Variants in MDM1 observed in about 807,000 individuals in gnomAD.
The protein encoded by MDM1 is stabilizer of axonemal microtubules 6.
MDM1 carries 61 observed loss-of-function variants against 89.1 expected under a neutral mutation model. The ratio of observed to expected loss-of-function variants is 0.68; its 90% CI spans 0.56 to 0.85. MDM1 has a LOEUF of 0.85. MDM1 is among the 40% of genes least tolerant of loss of function. The probability of loss-of-function intolerance (pLI) is 0.00; values close to 1 mark genes in which losing one functional copy is unlikely to be tolerated. For missense variants in MDM1, 820 were observed against 846.5 expected (o/e 0.97, Z 0.39); for synonymous variants, 290 against 294.1 (o/e 0.99, Z 0.14).
At chr12:68,302,250 C>CTA (rs1360067371) in intron 13 of MDM1, among the ~76,000 whole-genome samples, 1 of 152,144 alleles carries the variant, frequency 6.6e-6, no homozygotes, top group African/African-American at 2.4e-5. Flanking sequence ...GCAATGCCTA[C>CTA]TAACACTAAA....
intron 1 of MDM1, 42 bp downstream of exon 1, chr12:68,332,186 G>A: frequency 6.6e-7 from 1 of 1,511,894 alleles, no homozygotes; most frequent in South Asian, 1.3e-5. Context: ...CCCGGCCATG[G>A]CTCCCCCCAG....
At chr12:68,313,403 A>C in intron 12 of MDM1, 40 bp downstream of exon 12, 1 of 1,324,030 alleles carries the variant, frequency 7.6e-7, no homozygotes, top group South Asian at 1.2e-5. Flanking sequence ...TACAATAATT[A>C]GTCCTAGATG....
At chr12:68,330,842 C>T (rs781675392) in intron 2 of MDM1, 1 of 402,680 alleles carries the variant, frequency 2.5e-6, no homozygotes, top group Admixed American at 4.1e-5. Context: ...AACTTAACCG[C>T]TCAGTCAGTA....
At position 68,327,025 on chromosome 12, in the gene MDM1, CA is replaced by C. The variant is rs1337934788; in HGVS notation, c.134-5del. On this transcript the variant is annotated splice_region_variant and splice_polypyrimidine_tract_variant and intron_variant, in intron 2 of 14. Transcript: ENST00000682720. ...AAACTTGGCTCTTTCGTGATGCCTA[CA>C]AAACACGGTATACAAAAATAGTAGC... 2 of 1,576,134 alleles carry C rather than the reference CA, an allele frequency of 1.3e-6. No homozygotes were observed. The highest frequency in any genetic ancestry group is 1.7e-6 in the Non-Finnish European group (2 of 1,167,248).
rs35426557 is a variant in MDM1 at position 68,302,881 on chromosome 12, CAAAAAAAAA to C, written c.1750-18_1750-10del. On this transcript the variant is annotated splice_polypyrimidine_tract_variant and intron_variant, in intron 12 of 14. Transcript: ENST00000682720. ...ACAGCACGACTTTCTTTCTAAATGA[CAAAAAAAAA>C]AAAAAAAAAAAGATGCCTATGTGTA... is the stretch of plus-strand genomic sequence containing the variant. The C allele has an allele frequency of 1.8e-3, 2,003 of 1,105,760 alleles. 13 individuals carry two copies. In the Middle Eastern group the frequency reaches 0.026, roughly 14 times the overall value. The allele number at this position is 1,105,760 out of a possible 1,614,324, so 68.5% of individuals were successfully genotyped here.
rs147801311 is a variant in MDM1, at chr12:68,296,974, C to T, written c.2011G>A (p.Ala671Thr). The T allele has an allele frequency of 3.2e-4, 509 of 1,590,578 alleles. 3 individuals carry two copies. In the African/African-American group the frequency reaches 5.1e-3, roughly 16 times the overall value. Reference sequence around the variant, plus strand: ...GGTAACTGCAAATTGTTCATCCTTGCTTTTCCCACTTAAAAAAAAAAAGGC... The same window carrying T: ...GGTAACTGCAAATTGTTCATCCTTGTTTTTCCCACTTAAAAAAAAAAAGGC... ...DPEFQHNVGKARMNNLQLPQH... is the reference protein window; with the variant it reads ...DPEFQHNVGKTRMNNLQLPQH... The change falls in exon 14 of 15, where the codon GCA becomes ACA. Residue 671 changes from alanine to threonine, a missense_variant. Coordinates refer to ENST00000682720, the MANE Select transcript of MDM1 (RefSeq NM_001354969.2).
In MDM1 at chr12:68,295,336, C is replaced by A. The variant is rs139465924; in HGVS notation, c.2093G>T (p.Arg698Leu). The stretch of plus-strand genomic sequence containing the variant: ...AGCCCGGAGACTAGAAGCTGCAGAG[C>A]GAGCAGAAATCTCAGACAATCTGTC... ...DEDRLSEISA[R>L]SAASSLRAFQ... is the part of the protein sequence containing the mutation. Residue 698 changes from arginine (R) to leucine (L), a missense_variant, in exon 15 of 15, where the codon CGC becomes CTC. Physicochemically the swap from Arg to Leu is moderately radical, Grantham distance 102 (BLOSUM62 -2). Coordinates refer to ENST00000682720, the MANE Select transcript of MDM1 (RefSeq NM_001354969.2). 2.5e-6 allele frequency: 4 copies of A among 1,612,668 alleles called. No individual in the cohort carries two copies. Among genetic ancestry groups the A allele is most frequent in the African/African-American group, 1.3e-5 (1 of 74,864 alleles).
At chr12:68,311,005 T>C (rs1054734100) in intron 12 of MDM1, among the ~76,000 whole-genome samples, 1 of 152,176 alleles carries the variant, frequency 6.6e-6, no homozygotes, top group Non-Finnish European at 1.5e-5. Context: ...ACAAGTCTTT[T>C]ATTTTACCTA....
intron 12 of MDM1, among the ~76,000 whole-genome samples, chr12:68,304,875 G>A (rs557002820): frequency 4.7e-4 from 71 of 152,320 alleles, no homozygotes; most frequent in African/African-American, 1.6e-3. Flanking sequence ...TGATATTCCA[G>A]AGGTTTCCCA....
At position 68,294,626 on chromosome 12, in the gene MDM1, T is replaced by C. The variant is rs1276776756; in HGVS notation, c.*628A>G. ...AAGTTTTAATTCTCCATTATACAGG[T>C]AATTTTTCAAAATCTAGACATTATT... is the stretch of plus-strand genomic sequence containing the variant. On this transcript the variant is annotated 3_prime_UTR_variant, in exon 15 of 15. Coordinates refer to ENST00000682720, the MANE Select transcript of MDM1 (RefSeq NM_001354969.2). 1.3e-5 allele frequency: 2 copies of C among 152,240 alleles called. No homozygotes were observed. Among genetic ancestry groups the C allele is most frequent in the African/African-American group, 2.4e-5 (1 of 41,474 alleles). The allele number at this position is 152,240 out of a possible 1,614,324, so 9.4% of individuals were successfully genotyped here.
At chr12:68,303,939 T>C (rs547301377) in intron 12 of MDM1, among the ~76,000 whole-genome samples, 133 of 152,302 alleles carry the variant, frequency 8.7e-4, no homozygotes, top group African/African-American at 3.1e-3. Flanking sequence ...AATTTTACTT[T>C]TTAAAAGAAG....
chr12:68,297,933 C>G (rs1592937359), intron 13 of MDM1, among the ~76,000 whole-genome samples: 1 of 152,124 alleles, frequency 6.6e-6, no homozygotes, highest in Admixed American at 6.5e-5. Flanking sequence ...GCAGACCCAC[C>G]TAACCCAGCC....
At chr12:68,305,577 G>A (rs144877191) in intron 12 of MDM1, among the ~76,000 whole-genome samples, 30 of 152,032 alleles carry the variant, frequency 2.0e-4, no homozygotes, top group African/African-American at 5.3e-4. Flanking sequence ...AAAAATTAAC[G>A]TACAAAAATC....
rs139375012 is a variant in MDM1 at position 68,310,095 on chromosome 12, C to G, written c.1749+3348G>C. ...AAGTGATTCTTGTGCCTCAATCTCC[C>G]AAATGGCTGGGATTACAGGCATCTG... On this transcript the variant is annotated intron_variant, in intron 12 of 14. Coordinates refer to ENST00000682720, the MANE Select transcript of MDM1 (RefSeq NM_001354969.2). Among the ~76,000 whole-genome samples the G allele has an allele frequency of 1.1e-3, 167 of 152,306 alleles. 1 individual carries two copies. The highest frequency in any genetic ancestry group is 0.01 in the Middle Eastern group (3 of 294).
At chr12:68,326,059 G>A in intron 3 of MDM1, 1 of 995,886 alleles carries the variant, frequency 1.0e-6, no homozygotes, top group Middle Eastern at 5.2e-4. Flanking sequence ...TGGTGGACAT[G>A]AACCAGAGAA....
chr12:68,329,954 A>G (rs1876551348), intron 2 of MDM1, among the ~76,000 whole-genome samples: 1 of 152,188 alleles, frequency 6.6e-6, no homozygotes, highest in South Asian at 2.1e-4. Flanking sequence ...CTAGCTGTAA[A>G]GCTGGGGCAG....
chr12:68,330,942 A>C (rs1876707836), intron 2 of MDM1, 165 bp downstream of exon 2: 1 of 595,018 alleles, frequency 1.7e-6, no homozygotes, highest in Non-Finnish European at 3.0e-6. Context: ...GTAAACCTTC[A>C]ATAAATACTT....
chr12:68,322,304 T>G (rs1232127713), intron 5 of MDM1, among the ~76,000 whole-genome samples: 2 of 152,216 alleles, frequency 1.3e-5, no homozygotes, highest in Admixed American at 6.5e-5. Flanking sequence ...TGAATTATAC[T>G]GGCTATAATT....
intron 12 of MDM1, among the ~76,000 whole-genome samples, chr12:68,307,768 T>A (rs374753766): frequency 1.3e-5 from 2 of 151,962 alleles, no homozygotes; most frequent in African/African-American, 4.8e-5. Context: ...CAAAACCACA[T>A]CTCTACTAAA....
Sources: allele counts gnomAD v4.1 joint callset (sites outside exome capture counted in the v4.1 genomes callset), GRCh38; gene constraint gnomAD v4.1.1; transcripts MANE v1.5; gene names NCBI Gene and HGNC (gene_info 2026-07-23, HGNC 2026-07-21).